PDGFRL: variants seen among roughly 807,000 people sequenced by gnomAD.
PDGFRL encodes the protein platelet-derived growth factor receptor-like protein.
PDGFRL carries 46 observed loss-of-function variants against 37.2 expected under a neutral mutation model. The observed-to-expected ratio is 1.24, with a 90% CI of 0.98 to 1.58. The LOEUF is 1.58. Ranked by LOEUF, PDGFRL falls within the 40% of genes most tolerant of loss-of-function variation. The probability of loss-of-function intolerance (pLI) is 0.00; values close to 1 mark genes in which losing one functional copy is unlikely to be tolerated. For missense variants in PDGFRL, 692 were observed against 467.6 expected, an observed-to-expected ratio of 1.48 and a Z score of -4.43; for synonymous variants, 251 against 184.3, an observed-to-expected ratio of 1.36 and a Z score of -2.93.
At chr8:17,586,023 C>G (rs1333879780) in intron 1 of PDGFRL, among the ~76,000 whole-genome samples, 1 of 151,964 alleles carries the variant, frequency 6.6e-6, no homozygotes, top group Non-Finnish European at 1.5e-5. Context: ...GCGATCTCAG[C>G]TCACTGCAAC....
intron 3 of PDGFRL, among the ~76,000 whole-genome samples, chr8:17,624,105 C>G (rs1172469596): frequency 1.3e-5 from 2 of 151,872 alleles, no homozygotes; most frequent in African/African-American, 4.8e-5. Flanking sequence ...TGGATTTTTA[C>G]TATAGGGTTT....
At chr8:17,591,447 A>T (rs1442746836) in intron 2 of PDGFRL, among the ~76,000 whole-genome samples, 1 of 152,202 alleles carries the variant, frequency 6.6e-6, no homozygotes, top group Non-Finnish European at 1.5e-5. Flanking sequence ...ACCTTGGTGA[A>T]GTCTCCTAAA....
At chr8:17,602,398 G>T (rs916155530) in intron 2 of PDGFRL, among the ~76,000 whole-genome samples, 4 of 152,136 alleles carry the variant, frequency 2.6e-5, no homozygotes, top group African/African-American at 9.7e-5. Flanking sequence ...TCAGAGCTCT[G>T]TGGTATGTGT....
At chr8:17,576,772 TGG>T, upstream of PDGFRL, 1 of 737,332 alleles carries the variant, frequency 1.4e-6, no homozygotes, top group Non-Finnish European at 1.7e-6. Flanking sequence ...TGAGTGCATG[TGG>T]GGGAGAGAAA....
chr8:17,589,112 T>C (rs1199199168), intron 1 of PDGFRL, among the ~76,000 whole-genome samples: 1 of 152,164 alleles, frequency 6.6e-6, no homozygotes, highest in East Asian at 1.9e-4. Flanking sequence ...GCATGGTGGC[T>C]CACTCCTGTA....
rs1391327552 is a variant in PDGFRL at position 17,598,834 on chromosome 8, A to T, written c.353+9069A>T. Reference sequence around the variant, plus strand: ...GGTAGTTAATACGTCTCACGAGATCACATGGTTTTCTAAGGGGAAACCCAT... The same window carrying T: ...GGTAGTTAATACGTCTCACGAGATCTCATGGTTTTCTAAGGGGAAACCCAT... On this transcript the variant is annotated intron_variant, in intron 2 of 5. Transcript: ENST00000251630. Among the ~76,000 whole-genome samples the T allele has an allele frequency of 2.0e-5, 3 of 152,160 alleles. No homozygotes were observed. The East Asian group carries it at 5.8e-4, about 29-fold the overall frequency.
At chr8:17,590,717 A>C (rs1225184528) in intron 2 of PDGFRL, among the ~76,000 whole-genome samples, 1 of 152,016 alleles carries the variant, frequency 6.6e-6, no homozygotes, top group African/African-American at 2.4e-5. Flanking sequence ...GTCTCAAAAA[A>C]ATAAAAAAAA....
At chr8:17,641,564 A>G (rs1369154644) in intron 5 of PDGFRL, among the ~76,000 whole-genome samples, 3 of 152,188 alleles carry the variant, frequency 2.0e-5, no homozygotes, top group African/African-American at 7.2e-5. Flanking sequence ...CACCAAGTGG[A>G]CATAGACCAC....
intron 2 of PDGFRL, among the ~76,000 whole-genome samples, chr8:17,601,208 C>A (rs557794491): frequency 4.6e-5 from 7 of 152,332 alleles, no homozygotes; most frequent in African/African-American, 1.7e-4. Flanking sequence ...ACAGCAGTGA[C>A]TGTAGTCTCT....
intron 2 of PDGFRL, among the ~76,000 whole-genome samples, chr8:17,592,054 C>G (rs1231338909): frequency 6.6e-6 from 1 of 152,150 alleles, no homozygotes; most frequent in Non-Finnish European, 1.5e-5. Context: ...ACTTGGTTAC[C>G]CAACCAGAAG....
chr8:17,638,150 G>A (rs184851845), intron 5 of PDGFRL, among the ~76,000 whole-genome samples: 42 of 152,132 alleles, frequency 2.8e-4, no homozygotes, highest in Middle Eastern at 3.4e-3. Context: ...GTCTATTTGT[G>A]CTCTTTCAGA....
intron 2 of PDGFRL, among the ~76,000 whole-genome samples, chr8:17,606,422 G>C (rs1167345958): frequency 8.5e-5 from 13 of 152,088 alleles, no homozygotes. Context: ...GGTCCAATTG[G>C]GGTCTAATTT....
intron 3 of PDGFRL, among the ~76,000 whole-genome samples, chr8:17,622,491 A>G (rs976938461): frequency 5.9e-5 from 9 of 152,136 alleles, no homozygotes; most frequent in Non-Finnish European, 2.9e-5. Context: ...TTTTAGTACA[A>G]TCTTATGTAT....
At chr8:17,626,836 T>A (rs1192776462) in intron 3 of PDGFRL, among the ~76,000 whole-genome samples, 1 of 152,142 alleles carries the variant, frequency 6.6e-6, no homozygotes, top group African/African-American at 2.4e-5. Context: ...CAGTCCTCGT[T>A]TCTCCCATTT....
intron 1 of PDGFRL, among the ~76,000 whole-genome samples, chr8:17,583,458 G>A (rs1803750753): frequency 6.6e-6 from 1 of 152,196 alleles, no homozygotes; most frequent in Non-Finnish European, 1.5e-5. Flanking sequence ...AAGCTCAGAT[G>A]AGACTTTGGA....
chr8:17,582,649 A>C (rs1371470403), intron 1 of PDGFRL, among the ~76,000 whole-genome samples: 1 of 152,042 alleles, frequency 6.6e-6, no homozygotes, highest in East Asian at 1.9e-4. Context: ...CTAAAGGTAG[A>C]ATTTATTATG....
At chr8:17,633,959 A>G in intron 4 of PDGFRL, 115 bp from the exon 5 acceptor site, 1 of 1,022,854 alleles carries the variant, frequency 9.8e-7, no homozygotes, top group East Asian at 2.4e-5. Context: ...CTGGTCAGGG[A>G]GCTGTGAGAA....
At chr8:17,584,052 G>A (rs1370029095) in intron 1 of PDGFRL, among the ~76,000 whole-genome samples, 1 of 152,196 alleles carries the variant, frequency 6.6e-6, no homozygotes, top group Non-Finnish European at 1.5e-5. Flanking sequence ...TAAATGTCTG[G>A]ATGGTAAGTG....
intron 2 of PDGFRL, among the ~76,000 whole-genome samples, chr8:17,606,500 C>G (rs909319448): frequency 1.3e-5 from 2 of 152,138 alleles, no homozygotes; most frequent in Admixed American, 1.3e-4. Context: ...GTCTTCCACC[C>G]CAGAAATGAC....
Sources: allele counts gnomAD v4.1 joint callset (sites outside exome capture counted in the v4.1 genomes callset), GRCh38; gene constraint gnomAD v4.1.1; transcripts MANE v1.5; gene names NCBI Gene and HGNC (gene_info 2026-07-23, HGNC 2026-07-21).